Variants in ARFIP1 observed in about 807,000 individuals in gnomAD.
ARFIP1 encodes the protein ARF interacting protein 1, also known as arfaptin-1.
Under a neutral mutation model 42.5 loss-of-function variants are expected in ARFIP1, and 24 were observed. That is an observed-to-expected ratio of 0.57 (90% CI 0.41 to 0.80). The LOEUF (loss-of-function observed/expected upper bound fraction) is 0.80, where lower values mean the gene tolerates loss of function less well. ARFIP1 is among the 30% of genes least tolerant of loss of function. ARFIP1 has a pLI of 0.00. For missense variants in ARFIP1, 354 were observed against 434.0 expected (o/e 0.82, Z 1.64); for synonymous variants, 141 against 153.7 (o/e 0.92, Z 0.61).
chr4:152,821,698 A>G (rs1033825600), intron 1 of ARFIP1, among the ~76,000 whole-genome samples: 4 of 152,222 alleles, frequency 2.6e-5, no homozygotes, highest in African/African-American at 9.6e-5. Context: ...TCATCAGGCT[A>G]TCTAAAGTCT....
At chr4:152,908,752 G>A (rs568844148) in intron 8 of ARFIP1, among the ~76,000 whole-genome samples, 1 of 152,096 alleles carries the variant, frequency 6.6e-6, no homozygotes, top group Admixed American at 6.5e-5. Flanking sequence ...CTCTGTCAGG[G>A]CAGATTGCCC....
intron 2 of ARFIP1, among the ~76,000 whole-genome samples, chr4:152,852,868 A>G (rs937125326): frequency 1.3e-5 from 2 of 152,212 alleles, no homozygotes; most frequent in African/African-American, 4.8e-5. Flanking sequence ...TTGGAATTCA[A>G]CCTATTTGTA....
intron 2 of ARFIP1, among the ~76,000 whole-genome samples, chr4:152,860,368 G>A (rs557577811): frequency 6.6e-6 from 1 of 152,176 alleles, no homozygotes; most frequent in South Asian, 2.1e-4. Context: ...TGATTGCTAG[G>A]TATTATTTTT....
At chr4:152,797,890 C>T (rs1225906596) in intron 1 of ARFIP1, among the ~76,000 whole-genome samples, 1 of 152,110 alleles carries the variant, frequency 6.6e-6, no homozygotes, top group African/African-American at 2.4e-5. Flanking sequence ...TTTACTTTCT[C>T]CTTACCTATT....
intron 1 of ARFIP1, among the ~76,000 whole-genome samples, chr4:152,823,987 G>T (rs986328912): frequency 6.6e-6 from 1 of 151,866 alleles, no homozygotes; most frequent in African/African-American, 2.4e-5. Flanking sequence ...CAAAATATTA[G>T]CAAACTGAAT....
Position 152,870,137 on chromosome 4 carries a change from G to A in ARFIP1, c.203-616G>A, listed in dbSNP as rs1734755418. ...GTTTGGGTTCAGTAGGTCTGGGCAG[G>A]GTCTGAGATTTTGCATTTCTAACAA... On this transcript the variant is annotated intron_variant, in intron 3 of 8. Transcript: ENST00000353617. Among the ~76,000 whole-genome samples the A allele has an allele frequency of 2.6e-5, 4 of 152,246 alleles. No individual in the cohort carries two copies. The East Asian group carries it at 7.7e-4, about 29-fold the overall frequency.
At chr4:152,793,342 A>T (rs923513161) in intron 1 of ARFIP1, among the ~76,000 whole-genome samples, 5 of 147,924 alleles carry the variant, frequency 3.4e-5, no homozygotes, top group East Asian at 1.9e-4. Context: ...ATATATATAT[A>T]ATATATATAT....
intron 3 of ARFIP1, among the ~76,000 whole-genome samples, chr4:152,867,013 T>C (rs986228850): frequency 1.4e-5 from 2 of 140,684 alleles, no homozygotes; most frequent in Admixed American, 1.4e-4. Context: ...CTTTCCAGAC[T>C]GGGCAGCCAG....
chr4:152,806,353 T>A (rs1316267136), intron 1 of ARFIP1, among the ~76,000 whole-genome samples: 1 of 152,178 alleles, frequency 6.6e-6, no homozygotes, highest in African/African-American at 2.4e-5. Context: ...GGAGCTGATA[T>A]AGTTCCTCTT....
intron 2 of ARFIP1, among the ~76,000 whole-genome samples, chr4:152,849,563 G>C (rs1732821567): frequency 6.6e-6 from 1 of 152,202 alleles, no homozygotes; most frequent in Admixed American, 6.5e-5. Context: ...GTGAGGCCAA[G>C]AGGGTAGGCA....
intron 1 of ARFIP1, among the ~76,000 whole-genome samples, chr4:152,806,679 G>T (rs1230045161): frequency 1.3e-5 from 2 of 151,914 alleles, no homozygotes; most frequent in African/African-American, 2.4e-5. Flanking sequence ...TTTGCAATCA[G>T]TTCTTCCCTA....
At chr4:152,803,960 T>C (rs1728627697) in intron 1 of ARFIP1, among the ~76,000 whole-genome samples, 1 of 127,982 alleles carries the variant, frequency 7.8e-6, no homozygotes, top group Admixed American at 9.9e-5. Context: ...TGAATGTGTA[T>C]ATATATAACA....
rs749890598 is a variant in ARFIP1, at chr4:152,870,745, C to A, written c.203-8C>A. 21 of 1,609,758 alleles carry A rather than the reference C, an allele frequency of 1.3e-5. No individual in the cohort carries two copies. In the South Asian group the frequency reaches 2.3e-4, roughly 18 times the overall value. On this transcript the variant is annotated splice_region_variant and splice_polypyrimidine_tract_variant and intron_variant, in intron 3 of 8. Coordinates refer to ENST00000353617, the MANE Select transcript of ARFIP1 (RefSeq NM_001025595.3). ...GGATTTTCACAGTTAAAATGTCTAC[C>A]TTTTCAGGTTCCCCAGCACCGCCAC...
chr4:152,842,445 G>C (rs1732175018), intron 2 of ARFIP1, among the ~76,000 whole-genome samples: 2 of 151,976 alleles, frequency 1.3e-5, no homozygotes, highest in African/African-American at 4.8e-5. Flanking sequence ...TCTTGTATTT[G>C]GATGTCTAAG....
intron 8 of ARFIP1, among the ~76,000 whole-genome samples, chr4:152,904,901 G>C (rs1738177060): frequency 6.6e-6 from 1 of 151,970 alleles, no homozygotes; most frequent in South Asian, 2.1e-4. Context: ...TTTTTGGGGG[G>C]GTATATACCC....
At chr4:152,887,308 G>A (rs150155036) in intron 7 of ARFIP1, among the ~76,000 whole-genome samples, 20 of 151,982 alleles carry the variant, frequency 1.3e-4, no homozygotes, top group African/African-American at 4.6e-4. Context: ...TCAGAGTGAG[G>A]CATCTTACAG....
chr4:152,828,787 G>A (rs1243792366), intron 1 of ARFIP1, among the ~76,000 whole-genome samples: 1 of 152,154 alleles, frequency 6.6e-6, no homozygotes, highest in Non-Finnish European at 1.5e-5. Flanking sequence ...TATCTAAGAA[G>A]TCATCACCAT....
intron 2 of ARFIP1, among the ~76,000 whole-genome samples, chr4:152,860,324 C>T (rs565696420): frequency 6.6e-6 from 1 of 152,286 alleles, no homozygotes; most frequent in African/African-American, 2.4e-5. Context: ...TCAGAGCCCA[C>T]ATTGCATCCA....
chr4:152,812,453 A>G (rs763386672), intron 1 of ARFIP1, among the ~76,000 whole-genome samples: 4 of 152,114 alleles, frequency 2.6e-5, no homozygotes, highest in Non-Finnish European at 4.4e-5. Context: ...TGGCCTCCCA[A>G]AGTGCTGGGA....
Sources: gnomAD v4.1 joint callset for allele counts (sites outside exome capture counted in the v4.1 genomes callset) on GRCh38, gnomAD v4.1.1 for gene constraint, MANE v1.5 for transcripts, NCBI Gene and HGNC (gene_info 2026-07-23, HGNC 2026-07-21) for gene names.